Variants in ADCY2 observed in about 807,000 individuals in gnomAD.
ADCY2 encodes adenylate cyclase 2.
In ADCY2, 31 loss-of-function variants were observed where a neutral mutation model predicts 125.2. That is an observed-to-expected ratio of 0.25 (90% confidence interval 0.19 to 0.33). ADCY2 has a LOEUF of 0.33. ADCY2 is among the 10% of genes least tolerant of loss of function. The probability of loss-of-function intolerance (pLI) is 1.00; values close to 1 mark genes in which losing one functional copy is unlikely to be tolerated. For missense variants in ADCY2, 904 were observed against 1,418.2 expected (o/e 0.64, Z 5.82); for synonymous variants, 512 against 548.4 (o/e 0.93, Z 0.93).
rs1193179159 is a variant in ADCY2, at chr5:7,589,499, AAAGAAAG to A, written c.571-36665_571-36659del. The stretch of plus-strand genomic sequence containing the variant: ...GAAAGAAAGAAAGAAAGAAAGAAAG[AAAGAAAG>A]AAAGAAAAGAAAAGAAAGAGAAAGA... On this transcript the variant is annotated intron_variant, in intron 3 of 24. Coordinates refer to ENST00000338316, the MANE Select transcript of ADCY2 (RefSeq NM_020546.3). Among the ~76,000 whole-genome samples the A allele has an allele frequency of 6.3e-3, 299 of 47,360 alleles. 6 individuals carry two copies. The East Asian group carries it at 0.19, about 31-fold the overall frequency. The allele number at this position is 47,360 out of a possible 152,430, so 31.1% of individuals were successfully genotyped here.
At chr5:7,742,128 C>CAA (rs1207472213) in intron 14 of ADCY2, among the ~76,000 whole-genome samples, 48 of 116,108 alleles carry the variant, frequency 4.1e-4, no homozygotes, top group African/African-American at 6.9e-4. Flanking sequence ...GCATAGTGCC[C>CAA]AAAAAAAAAA....
intron 2 of ADCY2, among the ~76,000 whole-genome samples, chr5:7,482,683 T>A (rs763649845): frequency 1.3e-5 from 2 of 151,344 alleles, no homozygotes; most frequent in African/African-American, 4.9e-5. Context: ...TGCACCTTGA[T>A]GTTTATTGTA....
intron 3 of ADCY2, among the ~76,000 whole-genome samples, chr5:7,597,808 A>G (rs1468271365): frequency 6.6e-6 from 1 of 152,174 alleles, no homozygotes; most frequent in Non-Finnish European, 1.5e-5. Context: ...AAGCAGTAGT[A>G]GCGTAGAGCT....
At chr5:7,679,101 G>A (rs1740230871) in intron 4 of ADCY2, among the ~76,000 whole-genome samples, 1 of 152,216 alleles carries the variant, frequency 6.6e-6, no homozygotes, top group African/African-American at 2.4e-5. Context: ...GGAGCCATTA[G>A]CAAAGTGAAT....
At chr5:7,424,838 T>C (rs1261238078) in intron 2 of ADCY2, among the ~76,000 whole-genome samples, 1 of 152,246 alleles carries the variant, frequency 6.6e-6, no homozygotes, top group African/African-American at 2.4e-5. Flanking sequence ...CTAAAGAGAT[T>C]TATTATACAT....
intron 20 of ADCY2, chr5:7,794,210 C>T (rs1179069720): frequency 6.6e-6 from 1 of 152,204 alleles, no homozygotes; most frequent in Non-Finnish European, 1.5e-5. Context: ...TGTACTTAAT[C>T]ACACAATGCA....
intron 19 of ADCY2, among the ~76,000 whole-genome samples, chr5:7,788,522 G>A (rs186824112): frequency 3.5e-4 from 53 of 152,206 alleles, no homozygotes; most frequent in Non-Finnish European, 6.3e-4. Flanking sequence ...GCAGTTTTTT[G>A]AAAATGCCTT....
At position 7,727,250 on chromosome 5, in the gene ADCY2, C is replaced by T. The variant is rs746859334; in HGVS notation, c.1860C>T (p.Leu620=). 1.4e-5 allele frequency: 23 copies of T among 1,613,752 alleles called. No homozygotes were observed. Among genetic ancestry groups the T allele is most frequent in the South Asian group, 7.7e-5 (7 of 91,062 alleles). ...IFFCIFIVQI[L]VLPKTSVLGI... ...TCTGCATCTTCATTGTGCAGATTCT[C>T]GTGCTGCCAAAGTAAGTACTTCTGG... is the stretch of plus-strand genomic sequence containing the variant. Residue 620 remains leucine, a synonymous_variant, in exon 14 of 25, where the codon CTC becomes CTT. Coordinates refer to ENST00000338316, the MANE Select transcript of ADCY2 (RefSeq NM_020546.3).
rs185873113 is a variant in ADCY2 at position 7,543,838 on chromosome 5, C to A, written c.570+22939C>A. ...ACCATCCTGGCTAACATGGTGAAAC[C>A]CCGTCTCTACTAAAAATACAAAAAA... is the stretch of plus-strand genomic sequence containing the variant. On this transcript the variant is annotated intron_variant, in intron 3 of 24. Transcript: ENST00000338316. 8.6e-3 allele frequency among the ~76,000 whole-genome samples: 1,305 copies of A among 151,678 alleles called. 15 individuals carry two copies. Among genetic ancestry groups the A allele is most frequent in the African/African-American group, 0.03 (1,238 of 41,340 alleles).
intron 18 of ADCY2, among the ~76,000 whole-genome samples, chr5:7,781,400 G>A (rs1743918488): frequency 6.6e-6 from 1 of 152,208 alleles, no homozygotes; most frequent in African/African-American, 2.4e-5. Context: ...TCATGCTGAA[G>A]GAGGGTGGCC....
chr5:7,569,188 C>A (rs537149166), intron 3 of ADCY2, among the ~76,000 whole-genome samples: 2 of 152,134 alleles, frequency 1.3e-5, no homozygotes, highest in Non-Finnish European at 2.9e-5. Flanking sequence ...AAAGAAAGAA[C>A]TTTTCAACAC....
chr5:7,707,984 CAGA>C, intron 9 of ADCY2, 146 bp downstream of exon 9: 1 of 838,122 alleles, frequency 1.2e-6, no homozygotes, highest in South Asian at 2.1e-5. Context: ...GGTTTAATTA[CAGA>C]AGATGTTTTG....
chr5:7,457,245 C>A (rs1460930098), intron 2 of ADCY2, among the ~76,000 whole-genome samples: 1 of 152,154 alleles, frequency 6.6e-6, no homozygotes, highest in African/African-American at 2.4e-5. Context: ...TATCAGTTAG[C>A]TTTAGTACTA....
chr5:7,766,243 C>T (rs1743373445), intron 16 of ADCY2, among the ~76,000 whole-genome samples: 2 of 152,040 alleles, frequency 1.3e-5, no homozygotes, highest in Admixed American at 6.6e-5. Flanking sequence ...TCATTCTAAA[C>T]ATCAAAAATT....
chr5:7,585,437 C>T lies in ADCY2; in HGVS notation c.571-40730C>T, dbSNP rs1337407873. On this transcript the variant is annotated intron_variant, in intron 3 of 24. Coordinates refer to ENST00000338316, the MANE Select transcript of ADCY2 (RefSeq NM_020546.3). ...TAGCAGACACATACTATTTTCAATC[C>T]AGTCAGGAACTTCACTGGCTTCTTC... Among the ~76,000 whole-genome samples, 5 of 152,228 alleles carry T rather than the reference C, an allele frequency of 3.3e-5. No homozygotes were observed. In the East Asian group the frequency reaches 7.7e-4, roughly 24 times the overall value.
chr5:7,674,971 T>G (rs191434380), intron 4 of ADCY2, among the ~76,000 whole-genome samples: 2 of 152,104 alleles, frequency 1.3e-5, no homozygotes, highest in Admixed American at 6.5e-5. Context: ...CTGGCTAACA[T>G]GGTGAAACTC....
At chr5:7,521,851 A>G (rs1373259825) in intron 3 of ADCY2, among the ~76,000 whole-genome samples, 1 of 152,206 alleles carries the variant, frequency 6.6e-6, no homozygotes, top group East Asian at 1.9e-4. Flanking sequence ...TGCTTATCAC[A>G]TCACATTCAT....
chr5:7,805,610 C>T (rs1007456509), intron 22 of ADCY2, among the ~76,000 whole-genome samples: 6 of 152,074 alleles, frequency 3.9e-5, no homozygotes, highest in African/African-American at 1.2e-4. Context: ...CTGCACTTAC[C>T]AGAACACACT....
At chr5:7,748,354 T>C (rs1742694461) in intron 15 of ADCY2, among the ~76,000 whole-genome samples, 1 of 152,080 alleles carries the variant, frequency 6.6e-6, no homozygotes, top group East Asian at 1.9e-4. Flanking sequence ...TCGGATGCTA[T>C]TTAGCATTTC....
Sources: allele counts gnomAD v4.1 joint callset (sites outside exome capture counted in the v4.1 genomes callset), GRCh38; gene constraint gnomAD v4.1.1; transcripts MANE v1.5; gene names NCBI Gene and HGNC (gene_info 2026-07-23, HGNC 2026-07-21).